PRKN: variants seen among roughly 807,000 people sequenced by gnomAD.
The protein encoded by PRKN is parkin RBR E3 ubiquitin protein ligase.
A neutral mutation model predicts 59.5 loss-of-function variants in PRKN; 56 were observed. The observed-to-expected ratio is 0.94, with a 90% CI of 0.76 to 1.18. The LOEUF (loss-of-function observed/expected upper bound fraction) is 1.18. Ranked by LOEUF, PRKN falls within the 50% of genes most tolerant of loss-of-function variation. The probability of loss-of-function intolerance (pLI) is 0.00; values close to 1 mark genes in which losing one functional copy is unlikely to be tolerated. For missense variants in PRKN, 657 were observed against 596.4 expected (o/e 1.10, Z -1.06); for synonymous variants, 250 against 222.1 (o/e 1.13, Z -1.12).
rs1398832020 is a variant in PRKN at position 161,732,483 on chromosome 6, T to TG, written c.871+53288_871+53289insC. 5.9e-3 allele frequency among the ~76,000 whole-genome samples: 827 copies of TG among 140,240 alleles called. 10 individuals carry two copies. Among genetic ancestry groups the TG allele is most frequent in the African/African-American group, 0.019 (636 of 32,628 alleles). The allele number at this position is 140,240 out of a possible 152,430, so 92.0% of individuals were successfully genotyped here. On this transcript the variant is annotated intron_variant, in intron 7 of 11. Transcript: ENST00000366898. ...TTGCATTTCTTCAGAGGTTTTTTTTTTTTGTGTGTGTGTGTGTGTGGAGAT... is the reference window on the plus strand; with the variant it reads ...TTGCATTTCTTCAGAGGTTTTTTTTTGTTTGTGTGTGTGTGTGTGTGGAGAT...
At chr6:161,683,454 T>C (rs938594249) in intron 7 of PRKN, among the ~76,000 whole-genome samples, 3 of 152,230 alleles carry the variant, frequency 2.0e-5, no homozygotes, top group African/African-American at 7.2e-5. Context: ...CTGGGACTCC[T>C]TTAACAGAAG....
chr6:161,832,410 G>A (rs570643390), intron 6 of PRKN, among the ~76,000 whole-genome samples: 1 of 152,136 alleles, frequency 6.6e-6, no homozygotes, highest in Admixed American at 6.5e-5. Flanking sequence ...CAGATTCTGA[G>A]GTCAGGAGAT....
At chr6:162,042,135 G>T (rs1784089707) in intron 5 of PRKN, among the ~76,000 whole-genome samples, 1 of 151,274 alleles carries the variant, frequency 6.6e-6, no homozygotes, top group African/African-American at 2.4e-5. Flanking sequence ...TTATTTGAAT[G>T]AAATAAATTC....
intron 7 of PRKN, among the ~76,000 whole-genome samples, chr6:161,673,875 T>C (rs969324748): frequency 2.0e-5 from 3 of 152,138 alleles, no homozygotes; most frequent in Non-Finnish European, 2.9e-5. Flanking sequence ...ATGGAGGTGA[T>C]GATGACTGAA....
chr6:162,655,631 T>C (rs992373040), intron 1 of PRKN, among the ~76,000 whole-genome samples: 9 of 152,272 alleles, frequency 5.9e-5, no homozygotes, highest in Admixed American at 2.6e-4. Flanking sequence ...ATTATGGAAA[T>C]CCCCTTTGGA....
intron 1 of PRKN, among the ~76,000 whole-genome samples, chr6:162,663,343 C>A (rs1391666030): frequency 2.0e-5 from 3 of 151,416 alleles, no homozygotes; most frequent in African/African-American, 7.3e-5. Context: ...GATAACCTGA[C>A]CACTGTATGT....
At chr6:161,543,501 C>A (rs1351566167) in intron 9 of PRKN, among the ~76,000 whole-genome samples, 1 of 152,180 alleles carries the variant, frequency 6.6e-6, no homozygotes. Flanking sequence ...AGTTCCCTGA[C>A]AAACCTGCCT....
chr6:162,484,119 A>G (rs1285911258), intron 1 of PRKN, among the ~76,000 whole-genome samples: 1 of 152,248 alleles, frequency 6.6e-6, no homozygotes, highest in African/African-American at 2.4e-5. Context: ...ATGCCTCTTA[A>G]TATAAAGGAA....
chr6:161,542,361 A>G (rs1779646749), intron 9 of PRKN, among the ~76,000 whole-genome samples: 1 of 152,216 alleles, frequency 6.6e-6, no homozygotes, highest in Non-Finnish European at 1.5e-5. Flanking sequence ...CTCATCAAAG[A>G]TCAGCTGTAC....
chr6:161,760,685 G>C (rs4709553), intron 7 of PRKN, among the ~76,000 whole-genome samples: 1 of 151,996 alleles, frequency 6.6e-6, no homozygotes, highest in African/African-American at 2.4e-5. Context: ...TTTTGTGGTC[G>C]TGGGACACAG....
chr6:162,041,797 A>G (rs1315732828), intron 5 of PRKN, among the ~76,000 whole-genome samples: 33 of 151,858 alleles, frequency 2.2e-4, no homozygotes, highest in Admixed American at 2.2e-3. Flanking sequence ...GACTTTGTAG[A>G]CTCCTAAGTA....
In PRKN at chr6:162,617,775, T is replaced by C. The variant is rs577780814; in HGVS notation, c.7+109887A>G. On this transcript the variant is annotated intron_variant, in intron 1 of 11. Coordinates refer to ENST00000366898, the MANE Select transcript of PRKN (RefSeq NM_004562.3). ...GAAAAATAATTTTTTTTTGTTATGG[T>C]CCTATGATGAAATATAAAACCATAG... Among the ~76,000 whole-genome samples the C allele has an allele frequency of 1.3e-4, 20 of 152,088 alleles. No individual in the cohort carries two copies. In the East Asian group the frequency reaches 2.1e-3, roughly 16 times the overall value.
At chr6:162,545,110 C>A (rs1174165718) in intron 1 of PRKN, among the ~76,000 whole-genome samples, 2 of 151,334 alleles carry the variant, frequency 1.3e-5, no homozygotes, top group Non-Finnish European at 3.0e-5. Context: ...CATGGTGAAA[C>A]CCTGTCTCTA....
At chr6:162,286,803 A>C (rs1267927340) in intron 2 of PRKN, among the ~76,000 whole-genome samples, 2 of 152,194 alleles carry the variant, frequency 1.3e-5, no homozygotes, top group African/African-American at 2.4e-5. Flanking sequence ...TCCAAACTTT[A>C]ATTTCATAAC....
chr6:161,631,256 T>G (rs1783297765), intron 7 of PRKN, among the ~76,000 whole-genome samples: 1 of 152,218 alleles, frequency 6.6e-6, no homozygotes, highest in African/African-American at 2.4e-5. Flanking sequence ...GAGAAACAGT[T>G]TTCTGATGGT....
Position 161,396,001 on chromosome 6 carries a change from G to C in PRKN, c.1084-9124C>G, listed in dbSNP as rs1032958170. On this transcript the variant is annotated intron_variant, in intron 9 of 11. Coordinates refer to ENST00000366898, the MANE Select transcript of PRKN (RefSeq NM_004562.3). The surrounding 1 kb of genome is among the most constrained non-coding windows in gnomAD (Gnocchi z 5.4). Reference sequence around the variant, plus strand: ...GGAACGGCAGCTTCCCTCACTTGTGGCTGTGTCGTGAGCCTCAGCTTTGCA... The same window carrying C: ...GGAACGGCAGCTTCCCTCACTTGTGCCTGTGTCGTGAGCCTCAGCTTTGCA... Among the ~76,000 whole-genome samples the C allele has an allele frequency of 2.0e-5, 3 of 152,264 alleles. No homozygotes were observed. The highest frequency in any genetic ancestry group is 7.2e-5 in the African/African-American group (3 of 41,546).
intron 6 of PRKN, among the ~76,000 whole-genome samples, chr6:161,950,065 C>T (rs1269814080): frequency 6.6e-6 from 1 of 152,212 alleles, no homozygotes; most frequent in Non-Finnish European, 1.5e-5. Flanking sequence ...TGGAGAAAGA[C>T]CAGTGTCTGG....
chr6:161,921,843 T>G (rs886276303), intron 6 of PRKN, among the ~76,000 whole-genome samples: 4 of 152,184 alleles, frequency 2.6e-5, no homozygotes, highest in Non-Finnish European at 5.9e-5. Flanking sequence ...TAAATCTTAG[T>G]GGGAACACAA....
At chr6:162,643,520 G>A (rs968671036) in intron 1 of PRKN, among the ~76,000 whole-genome samples, 34 of 151,908 alleles carry the variant, frequency 2.2e-4, no homozygotes, top group African/African-American at 7.7e-4. Context: ...GGCCCATTTC[G>A]GCGGGGAGGC....
Sources: gnomAD v4.1 joint callset for allele counts (sites outside exome capture counted in the v4.1 genomes callset) on GRCh38, gnomAD v4.1.1 for gene constraint, Gnocchi (gnomAD v3.1) non-coding constraint, MANE v1.5 for transcripts, NCBI Gene and HGNC (gene_info 2026-07-23, HGNC 2026-07-21) for gene names.